Variants in AUTS2 observed in about 807,000 individuals in gnomAD.
The protein encoded by AUTS2 is activator of transcription and developmental regulator AUTS2.
In AUTS2, 17 loss-of-function variants were observed where a neutral mutation model predicts 112.4. The ratio of observed to expected loss-of-function variants is 0.15; its 90% CI spans 0.10 to 0.23. AUTS2 has a LOEUF of 0.23. Ranked by LOEUF, AUTS2 falls within the 10% of genes least tolerant of loss-of-function variation. The pLI is 1.00. For synonymous variants in AUTS2, 751 were observed against 702.7 expected (o/e 1.07, Z -1.09); for missense variants, 1,510 against 1,701.6 (o/e 0.89, Z 1.98).
chr7:70,245,142 G>GTATATATATATATATATATA (rs1225794976), intron 4 of AUTS2, among the ~76,000 whole-genome samples: 77 of 72,146 alleles, frequency 1.1e-3, no homozygotes, highest in African/African-American at 4.1e-3. Context: ...AAGTGTGTGT[G>GTATATATATATATATATATA]TGTATATATA....
At chr7:70,548,828 A>G (rs2129517660) in intron 5 of AUTS2, among the ~76,000 whole-genome samples, 1 of 152,096 alleles carries the variant, frequency 6.6e-6, no homozygotes, top group Admixed American at 6.5e-5. Flanking sequence ...GAAATAGGGA[A>G]CTGTGCGTCT....
intron 2 of AUTS2, among the ~76,000 whole-genome samples, chr7:70,043,590 TTCCTTCCTTCCTTCC>T (rs1249946701): frequency 0.025 from 2,922 of 115,858 alleles, 60 homozygotes; most frequent in African/African-American, 0.033. Flanking sequence ...CCTTCCTTCC[TTCCTTCCTTCCTTCC>T]TTTTTTTTTT....
intron 4 of AUTS2, among the ~76,000 whole-genome samples, chr7:70,256,602 T>C (rs986192232): frequency 2.0e-5 from 3 of 152,204 alleles, no homozygotes; most frequent in African/African-American, 7.2e-5. Context: ...GTTGGTATTA[T>C]CTGCTTGCGT....
chr7:70,267,172 G>A (rs561066249), intron 4 of AUTS2, among the ~76,000 whole-genome samples: 2 of 151,984 alleles, frequency 1.3e-5, no homozygotes, highest in Non-Finnish European at 2.9e-5. Flanking sequence ...TTAAATATCT[G>A]TATGCTGTAG....
At chr7:70,553,687 T>C (rs73177739) in intron 5 of AUTS2, among the ~76,000 whole-genome samples, 1 of 151,874 alleles carries the variant, frequency 6.6e-6, no homozygotes, top group Non-Finnish European at 1.5e-5. Context: ...TGCTAAATAT[T>C]TGCAAGGTGA....
intron 3 of AUTS2, among the ~76,000 whole-genome samples, chr7:70,122,081 C>T (rs1488209561): frequency 4.6e-5 from 7 of 151,882 alleles, no homozygotes; most frequent in Non-Finnish European, 8.8e-5. Context: ...AAAAGCAAGA[C>T]AAAGAAGGAC....
chr7:70,059,654 T>C (rs374436986), intron 2 of AUTS2, among the ~76,000 whole-genome samples: 9 of 152,134 alleles, frequency 5.9e-5, no homozygotes, highest in African/African-American at 1.7e-4. Context: ...TTGGAGGAGG[T>C]ACATCGTACT....
intron 5 of AUTS2, among the ~76,000 whole-genome samples, chr7:70,658,767 C>T (rs529335122): frequency 1.3e-5 from 2 of 152,226 alleles, no homozygotes; most frequent in South Asian, 4.1e-4. Context: ...GGTAAGCCTG[C>T]GTATTTTCTT....
At chr7:70,749,134 C>T (rs539386118) in intron 6 of AUTS2, among the ~76,000 whole-genome samples, 2 of 152,266 alleles carry the variant, frequency 1.3e-5, no homozygotes, top group East Asian at 1.9e-4. Flanking sequence ...CCCACCACCG[C>T]ATCCTGTCCA....
At chr7:70,376,558 T>C (rs1205634682) in intron 4 of AUTS2, among the ~76,000 whole-genome samples, 1 of 151,836 alleles carries the variant, frequency 6.6e-6, no homozygotes, top group Admixed American at 6.6e-5. Context: ...ATTTCCCTCT[T>C]ACTGCTGCTT....
chr7:70,458,009 C>T (rs1796813368), intron 5 of AUTS2, among the ~76,000 whole-genome samples: 1 of 151,560 alleles, frequency 6.6e-6, no homozygotes, highest in Admixed American at 6.6e-5. Context: ...TGAGAGGGGC[C>T]TAGAAAAGGC....
At chr7:69,614,314 C>T (rs971780711) in intron 1 of AUTS2, among the ~76,000 whole-genome samples, 1 of 83,320 alleles carries the variant, frequency 1.2e-5, no homozygotes, top group Non-Finnish European at 2.4e-5. Context: ...CACTCTCCGT[C>T]TCTTTCTTTC....
chr7:69,800,963 C>A (rs1250153558), intron 1 of AUTS2, among the ~76,000 whole-genome samples: 5 of 152,036 alleles, frequency 3.3e-5, no homozygotes, highest in Non-Finnish European at 1.5e-5. Context: ...CTTCTTTCAC[C>A]TTTCCTAAAC....
intron 5 of AUTS2, among the ~76,000 whole-genome samples, chr7:70,666,745 A>G (rs567315405): frequency 6.6e-6 from 1 of 151,950 alleles, no homozygotes; most frequent in African/African-American, 2.4e-5. Context: ...GTATGCCGGG[A>G]GGGTAGTCAG....
intron 17 of AUTS2, among the ~76,000 whole-genome samples, chr7:70,786,277 T>C (rs1274937006): frequency 2.0e-5 from 3 of 152,218 alleles, no homozygotes; most frequent in African/African-American, 7.2e-5. Context: ...GTGTAGTTGA[T>C]GACCACAGAA....
At chr7:70,501,756 T>C (rs1458559580) in intron 5 of AUTS2, among the ~76,000 whole-genome samples, 2 of 152,130 alleles carry the variant, frequency 1.3e-5, no homozygotes, top group Non-Finnish European at 2.9e-5. Flanking sequence ...CTCCATATGA[T>C]TGTTATAATC....
chr7:70,020,702 T>G (rs1460250234), intron 2 of AUTS2, among the ~76,000 whole-genome samples: 2 of 152,148 alleles, frequency 1.3e-5, no homozygotes, highest in Non-Finnish European at 2.9e-5. Flanking sequence ...TTTTTCCTTT[T>G]TCTTTTTGAG....
chr7:70,745,304 A>G (rs564776455), intron 6 of AUTS2, among the ~76,000 whole-genome samples: 2 of 151,962 alleles, frequency 1.3e-5, no homozygotes, highest in Non-Finnish European at 2.9e-5. Context: ...TAATTTTTCT[A>G]TTTAGTTTTT....
chr7:70,115,595 A>G (rs1306818805), intron 2 of AUTS2, among the ~76,000 whole-genome samples: 1 of 152,240 alleles, frequency 6.6e-6, no homozygotes, highest in Non-Finnish European at 1.5e-5. Context: ...CTGCAGAATC[A>G]TTACTTCATG....
Sources: allele counts gnomAD v4.1 joint callset (sites outside exome capture counted in the v4.1 genomes callset), GRCh38; gene constraint gnomAD v4.1.1; transcripts MANE v1.5; gene names NCBI Gene and HGNC (gene_info 2026-07-23, HGNC 2026-07-21).